PTPRD: variants seen among roughly 807,000 people sequenced by gnomAD.
PTPRD encodes protein tyrosine phosphatase receptor type D, also known as receptor-type tyrosine-protein phosphatase delta.
In PTPRD, 34 loss-of-function variants were observed where a neutral mutation model predicts 214.5. The observed-to-expected ratio is 0.16, with a 90% CI of 0.12 to 0.21. The LOEUF (loss-of-function observed/expected upper bound fraction) is 0.21, where lower values mean the gene tolerates loss of function less well. Ranked by LOEUF, PTPRD falls within the 10% of genes least tolerant of loss-of-function variation. PTPRD has a pLI of 1.00. For synonymous variants in PTPRD, 1,128 were observed against 845.7 expected (o/e 1.33, Z -5.79); for missense variants, 2,545 against 2,398.7 (o/e 1.06, Z -1.27).
chr9:10,039,314 G>C (rs1370776918), intron 3 of PTPRD, among the ~76,000 whole-genome samples: 1 of 151,966 alleles, frequency 6.6e-6, no homozygotes, highest in African/African-American at 2.4e-5. Context: ...GTCAGGTAAA[G>C]ACTGAAAAAT....
At chr9:10,340,437 T>C (rs1357508053) in intron 3 of PTPRD, among the ~76,000 whole-genome samples, 2 of 151,920 alleles carry the variant, frequency 1.3e-5, no homozygotes, top group Non-Finnish European at 2.9e-5. Flanking sequence ...AGTGTGAGAT[T>C]ATATACTATT....
chr9:9,004,454 A>C (rs960940744), intron 11 of PTPRD, among the ~76,000 whole-genome samples: 1 of 151,872 alleles, frequency 6.6e-6, no homozygotes, highest in African/African-American at 2.4e-5. Context: ...GAATTCGAAA[A>C]TTTTGGCACA....
At chr9:8,847,330 T>C (rs1006290739) in intron 11 of PTPRD, among the ~76,000 whole-genome samples, 38 of 152,118 alleles carry the variant, frequency 2.5e-4, no homozygotes, top group African/African-American at 9.2e-4. Context: ...TAAGTATTAT[T>C]TTAAAATGTG....
chr9:9,669,561 T>C (rs1183604609), intron 7 of PTPRD, among the ~76,000 whole-genome samples: 1 of 152,182 alleles, frequency 6.6e-6, no homozygotes, highest in Non-Finnish European at 1.5e-5. Flanking sequence ...TTTGAAGTAT[T>C]GAAAAATGAT....
At chr9:8,697,676 G>A (rs569417801) in intron 12 of PTPRD, among the ~76,000 whole-genome samples, 16 of 140,818 alleles carry the variant, frequency 1.1e-4, no homozygotes, top group Non-Finnish European at 2.1e-4. Flanking sequence ...ACCTGCCTTG[G>A]CCTCTCAAAG....
At chr9:9,361,080 ATACAGC>A (rs1344772638) in intron 9 of PTPRD, among the ~76,000 whole-genome samples, 2 of 151,258 alleles carry the variant, frequency 1.3e-5, no homozygotes, top group Non-Finnish European at 3.0e-5. Flanking sequence ...TCCAGGAAGA[ATACAGC>A]TAATCATGTC....
chr9:8,887,384 A>C (rs181859893), intron 11 of PTPRD, among the ~76,000 whole-genome samples: 5 of 152,270 alleles, frequency 3.3e-5, no homozygotes, highest in East Asian at 1.9e-4. Flanking sequence ...TGGAAGAAGT[A>C]ACAATTTTTA....
At chr9:8,692,243 T>G (rs1337465987) in intron 12 of PTPRD, among the ~76,000 whole-genome samples, 1 of 152,230 alleles carries the variant, frequency 6.6e-6, no homozygotes, top group East Asian at 1.9e-4. Context: ...ACCATCTCAG[T>G]AGCTGAACAC....
chr9:8,943,921 G>A (rs2099048638), intron 11 of PTPRD, among the ~76,000 whole-genome samples: 3 of 151,934 alleles, frequency 2.0e-5, no homozygotes, highest in African/African-American at 7.2e-5. Flanking sequence ...ACATTAAAAA[G>A]CTTCTGCACA....
At chr9:8,871,109 G>T (rs763091625) in intron 11 of PTPRD, among the ~76,000 whole-genome samples, 5 of 152,090 alleles carry the variant, frequency 3.3e-5, no homozygotes, top group Non-Finnish European at 5.9e-5. Flanking sequence ...GGCAATGCCC[G>T]CTCCCTTGCT....
chr9:9,429,094 A>C (rs1321496795), intron 8 of PTPRD, among the ~76,000 whole-genome samples: 1 of 152,146 alleles, frequency 6.6e-6, no homozygotes, highest in Non-Finnish European at 1.5e-5. Context: ...AAAACCCTTC[A>C]AAAATCAATG....
chr9:9,294,427 A>G (rs888514466), intron 9 of PTPRD, among the ~76,000 whole-genome samples: 1 of 151,744 alleles, frequency 6.6e-6, no homozygotes, highest in African/African-American at 2.4e-5. Flanking sequence ...GATTGAATAA[A>G]TAAATTCCCT....
chr9:8,325,219 T>G (rs1384808394), intron 44 of PTPRD, among the ~76,000 whole-genome samples: 1 of 150,328 alleles, frequency 6.7e-6, no homozygotes, highest in Admixed American at 6.7e-5. Flanking sequence ...TCTAGGGGTT[T>G]TCATCATTTT....
At chr9:8,717,517 C>A (rs10125918) in intron 12 of PTPRD, among the ~76,000 whole-genome samples, 15 of 152,188 alleles carry the variant, frequency 9.9e-5, no homozygotes, top group Non-Finnish European at 2.1e-4. Context: ...CCCTCCAACG[C>A]ATCCTCCACA....
intron 7 of PTPRD, among the ~76,000 whole-genome samples, chr9:9,731,462 G>GT (rs33989713): frequency 1.3e-4 from 19 of 151,478 alleles, no homozygotes; most frequent in East Asian, 7.8e-4. Context: ...GAAATTTAAG[G>GT]TTTTTTTTTA....
At chr9:10,100,036 G>C (rs1380640524) in intron 3 of PTPRD, among the ~76,000 whole-genome samples, 1 of 151,638 alleles carries the variant, frequency 6.6e-6, no homozygotes, top group Non-Finnish European at 1.5e-5. Flanking sequence ...TTTTCGGTGT[G>C]AGTATGCATA....
chr9:9,874,682 C>G (rs564137458), intron 5 of PTPRD, among the ~76,000 whole-genome samples: 1 of 152,026 alleles, frequency 6.6e-6, no homozygotes, highest in African/African-American at 2.4e-5. Context: ...GTTCACAGTC[C>G]TCCAGTCAAA....
At chr9:9,075,628 T>C (rs555762451) in intron 10 of PTPRD, among the ~76,000 whole-genome samples, 19 of 152,244 alleles carry the variant, frequency 1.2e-4, no homozygotes, top group African/African-American at 4.6e-4. Context: ...TTCTCATTGT[T>C]CAATTCCCAC....
intron 2 of PTPRD, among the ~76,000 whole-genome samples, chr9:10,563,561 A>G (rs2064651950): frequency 6.6e-6 from 1 of 152,154 alleles, no homozygotes; most frequent in Admixed American, 6.6e-5. Flanking sequence ...AATTAGTTAC[A>G]TTATTTAAAA....
Sources: allele counts gnomAD v4.1 joint callset (sites outside exome capture counted in the v4.1 genomes callset), GRCh38; gene constraint gnomAD v4.1.1; transcripts MANE v1.5; gene names NCBI Gene and HGNC (gene_info 2026-07-23, HGNC 2026-07-21).